MNAT1: variants seen among roughly 807,000 people sequenced by gnomAD.
MNAT1 encodes MNAT1 component of CDK activating kinase.
In MNAT1, 43 loss-of-function variants were observed where a neutral mutation model predicts 42.0. The observed-to-expected ratio is 1.02, with a 90% CI of 0.80 to 1.32. The LOEUF is 1.32. Ranked by LOEUF, MNAT1 falls within the 40% of genes most tolerant of loss-of-function variation. MNAT1 has a pLI of 0.00. For synonymous variants in MNAT1, 118 were observed against 120.0 expected (o/e 0.98, Z 0.11); for missense variants, 306 against 350.4 (o/e 0.87, Z 1.01).
chr14:60,789,009 C>G (rs1486834821), intron 1 of MNAT1, among the ~76,000 whole-genome samples: 1 of 152,124 alleles, frequency 6.6e-6, no homozygotes, highest in Non-Finnish European at 1.5e-5. Flanking sequence ...TGCAGTTGGC[C>G]TAGCTTTTGG....
At chr14:60,754,037 CCTT>C (rs1197767882) in intron 1 of MNAT1, 3 of 152,230 alleles carry the variant, frequency 2.0e-5, no homozygotes, top group African/African-American at 7.2e-5. Context: ...AGAACTGAGA[CCTT>C]CTACTAACCG....
At chr14:60,888,798 C>T (rs928263995) in intron 7 of MNAT1, among the ~76,000 whole-genome samples, 18 of 128,214 alleles carry the variant, frequency 1.4e-4, no homozygotes, top group African/African-American at 5.2e-4. Context: ...TTCTTATACA[C>T]CAACAACAGA....
chr14:60,735,523 T>G (rs147384669), intron 1 of MNAT1, among the ~76,000 whole-genome samples: 1 of 152,282 alleles, frequency 6.6e-6, no homozygotes, highest in East Asian at 1.9e-4. Flanking sequence ...GAGTGCACAT[T>G]TTGTGCCAGA....
At chr14:60,883,270 G>A (rs894202511) in intron 7 of MNAT1, among the ~76,000 whole-genome samples, 1 of 151,928 alleles carries the variant, frequency 6.6e-6, no homozygotes, top group Non-Finnish European at 1.5e-5. Context: ...GAGAGTTAGG[G>A]GTCTAGTTTC....
chr14:60,753,019 C>A (rs2030167560), intron 1 of MNAT1, among the ~76,000 whole-genome samples: 1 of 152,228 alleles, frequency 6.6e-6, no homozygotes, highest in Admixed American at 6.5e-5. Flanking sequence ...CCCACCTTGG[C>A]CTCCCAGAGT....
chr14:60,746,019 G>A (rs1896602658), intron 1 of MNAT1, among the ~76,000 whole-genome samples: 1 of 152,106 alleles, frequency 6.6e-6, no homozygotes, highest in Non-Finnish European at 1.5e-5. Context: ...GTAAGAGTTG[G>A]TGTTGTATGT....
intron 6 of MNAT1, among the ~76,000 whole-genome samples, chr14:60,825,872 C>CT (rs1382718503): frequency 1.3e-5 from 2 of 151,958 alleles, no homozygotes; most frequent in Admixed American, 6.6e-5. Context: ...ATCTGCTCTA[C>CT]TTAAAAAAAG....
Position 60,872,466 on chromosome 14 carries a change from C to T in MNAT1, c.688-7248C>T, listed in dbSNP as rs80027782. 1.6e-3 allele frequency among the ~76,000 whole-genome samples: 237 copies of T among 152,222 alleles called. 1 individual carries two copies. Among genetic ancestry groups the T allele is most frequent in the African/African-American group, 5.6e-3 (234 of 41,532 alleles). On this transcript the variant is annotated intron_variant, in intron 6 of 7. Coordinates refer to ENST00000261245, the MANE Select transcript of MNAT1 (RefSeq NM_002431.4). ...TCTCTGGTTTTCACATTTTGCTTCC[C>T]ACCTCAGCTATAGCAGATTGCTACC...
At chr14:60,830,946 G>T (rs1013915709) in intron 6 of MNAT1, among the ~76,000 whole-genome samples, 3 of 151,794 alleles carry the variant, frequency 2.0e-5, no homozygotes, top group Admixed American at 1.3e-4. Flanking sequence ...CAACTGAATG[G>T]ATACATTCCC....
At chr14:60,747,948 G>A (rs929064152) in intron 1 of MNAT1, among the ~76,000 whole-genome samples, 2 of 152,122 alleles carry the variant, frequency 1.3e-5, no homozygotes, top group African/African-American at 2.4e-5. Context: ...TGTAATCCTA[G>A]CACTATGGGA....
At chr14:60,927,254 A>C (rs980160469) in intron 7 of MNAT1, among the ~76,000 whole-genome samples, 3 of 152,228 alleles carry the variant, frequency 2.0e-5, no homozygotes, top group Non-Finnish European at 4.4e-5. Flanking sequence ...TTTGAGGTTT[A>C]GACTCAAGAC....
intron 1 of MNAT1, among the ~76,000 whole-genome samples, chr14:60,746,901 T>TATAC (rs1331806992): frequency 4.9e-5 from 1 of 20,202 alleles, no homozygotes; most frequent in African/African-American, 1.8e-4. Context: ...TCATTTCATA[T>TATAC]ATATATATAT....
intron 5 of MNAT1, 21 bp downstream of exon 5, chr14:60,812,148 T>A: frequency 6.6e-7 from 1 of 1,509,836 alleles, no homozygotes; most frequent in Non-Finnish European, 8.8e-7. Flanking sequence ...ATGCTAATTG[T>A]GATTGTAAAA....
intron 6 of MNAT1, among the ~76,000 whole-genome samples, chr14:60,852,650 G>A (rs2033853301): frequency 6.6e-6 from 1 of 152,144 alleles, no homozygotes; most frequent in Non-Finnish European, 1.5e-5. Context: ...TATTACCTAG[G>A]TTTTCTTCTA....
At chr14:60,890,736 G>A (rs2034822546) in intron 7 of MNAT1, among the ~76,000 whole-genome samples, 1 of 152,200 alleles carries the variant, frequency 6.6e-6, no homozygotes, top group African/African-American at 2.4e-5. Flanking sequence ...AAGTCTGGAA[G>A]ACTCAGCAAG....
In MNAT1 at chr14:60,854,543, T is replaced by C. The variant is rs1272908591; in HGVS notation, c.688-25171T>C. Among the ~76,000 whole-genome samples the C allele has an allele frequency of 2.0e-5, 3 of 152,336 alleles. No individual in the cohort carries two copies. The East Asian group carries it at 5.8e-4, about 29-fold the overall frequency. On this transcript the variant is annotated intron_variant, in intron 6 of 7. Transcript: ENST00000261245. ...GTTGCTTTCTATTTGTTAGTGCTTC[T>C]AACAGTCAGTCCCTTCTTCGGCAGG...
chr14:60,905,747 T>C (rs1314564874), intron 7 of MNAT1, among the ~76,000 whole-genome samples: 8 of 152,060 alleles, frequency 5.3e-5, no homozygotes, highest in Admixed American at 5.2e-4. Flanking sequence ...AAAGAGTGAA[T>C]TTACACTTCC....
intron 6 of MNAT1, among the ~76,000 whole-genome samples, chr14:60,834,517 G>A (rs545448559): frequency 6.6e-6 from 1 of 152,278 alleles, no homozygotes; most frequent in South Asian, 2.1e-4. Context: ...ACTGGTGTGT[G>A]AGAGACCATT....
At chr14:60,910,559 C>G (rs574680175) in intron 7 of MNAT1, among the ~76,000 whole-genome samples, 3 of 152,250 alleles carry the variant, frequency 2.0e-5, no homozygotes, top group East Asian at 1.9e-4. Flanking sequence ...TTGTCAAAAG[C>G]CTTTTCTGCA....
Sources: allele counts gnomAD v4.1 joint callset (sites outside exome capture counted in the v4.1 genomes callset), GRCh38; gene constraint gnomAD v4.1.1; transcripts MANE v1.5; gene names NCBI Gene and HGNC (gene_info 2026-07-23, HGNC 2026-07-21).